The following MED20 variants were observed in gnomAD, a reference collection of about 807,000 sequenced individuals.
The protein encoded by MED20 is mediator of RNA polymerase II transcription subunit 20.
In MED20, 19 loss-of-function variants were observed where a neutral mutation model predicts 19.7. The observed-to-expected ratio is 0.96, with a 90% confidence interval of 0.67 to 1.42. MED20 has a LOEUF of 1.42. Among genes scored for constraint, MED20 ranks in the 40% most tolerant of loss-of-function variants. The pLI is 0.00. For synonymous variants in MED20, 105 were observed against 104.8 expected (o/e 1.00, Z -0.01); for missense variants, 225 against 273.0 (o/e 0.82, Z 1.24).
chr6:41,908,424 C>T (rs1208576497), intron 3 of MED20, among the ~76,000 whole-genome samples: 1 of 152,198 alleles, frequency 6.6e-6, no homozygotes, highest in African/African-American at 2.4e-5. Flanking sequence ...TATGTATACA[C>T]AGACACACAC....
rs1366104311 is a variant in MED20, at chr6:41,906,490, A to C, written c.*582T>G. 1 of 152,720 alleles carries C rather than the reference A, an allele frequency of 6.5e-6. No individual in the cohort carries two copies. Among genetic ancestry groups the C allele is most frequent in the Non-Finnish European group, 1.5e-5 (1 of 68,392 alleles). 9.5% of individuals were successfully genotyped at this position (152,720 alleles called of 1,614,324 possible). ...TTTCACAACAGAAGGGAAAGATGTC[A>C]GAAGGAGATTTCAAAGGACTCAGGC... On this transcript the variant is annotated 3_prime_UTR_variant, in exon 4 of 4. Coordinates refer to ENST00000265350, the MANE Select transcript of MED20 (RefSeq NM_004275.5).
In MED20 at chr6:41,917,045, T is replaced by C. The variant is rs138031169; in HGVS notation, c.15-106A>G. 1.9e-4 allele frequency: 231 copies of C among 1,209,678 alleles called. No homozygotes were observed. The African/African-American group carries it at 3.1e-3, about 16-fold the overall frequency. The allele number at this position is 1,209,678 out of a possible 1,614,324, so 74.9% of individuals were successfully genotyped here. A position where few individuals can be genotyped will look rare whatever the true frequency, so the allele number is the denominator to read the frequency against. ...CAGCTCATCAGGGCCAAAAGTTATC[T>C]TGGAAATTACCTACTCTGACCGTCT... On this transcript the variant is annotated intron_variant, in intron 1 of 3. Coordinates refer to ENST00000265350, the MANE Select transcript of MED20 (RefSeq NM_004275.5).
rs142211551 is a variant in MED20 at position 41,921,087 on chromosome 6, C to T, written c.-69G>A. On this transcript the variant is annotated 5_prime_UTR_variant, in exon 1 of 4. Transcript: ENST00000265350. ...AGGGTTCCCTGTCCGCCCACAGAAA[C>T]TCCTTCAGTTCCCCAACACAACCTT... 5.3e-4 allele frequency: 842 copies of T among 1,594,648 alleles called. 6 individuals are homozygous for T. In the East Asian group the frequency reaches 0.017, roughly 33 times the overall value.
intron 1 of MED20, among the ~76,000 whole-genome samples, chr6:41,918,105 GCCAA>G (rs1218031206): frequency 6.6e-6 from 1 of 152,142 alleles, no homozygotes; most frequent in East Asian, 1.9e-4. Context: ...GTAACCAACT[GCCAA>G]CCAACAACGT....
intron 2 of MED20, among the ~76,000 whole-genome samples, chr6:41,910,708 T>C (rs1341329027): frequency 6.6e-6 from 1 of 151,692 alleles, no homozygotes; most frequent in Non-Finnish European, 1.5e-5. Context: ...AATTAATGGA[T>C]AGACTGCCAC....
chr6:41,906,919 A>T lies in MED20; in HGVS notation c.*153T>A. 1 of 661,480 alleles carries T rather than the reference A, an allele frequency of 1.5e-6. No homozygotes were observed. 41.0% of individuals were successfully genotyped at this position (661,480 alleles called of 1,614,324 possible). On this transcript the variant is annotated 3_prime_UTR_variant, in exon 4 of 4. Transcript: ENST00000265350. ...AGTCAGGGGGTTGGGGAGGGGACTC[A>T]GCCCCAGAACAAAAGCCACAGCTGA... is the stretch of plus-strand genomic sequence containing the variant.
chr6:41,911,106 CA>C (rs377146036), intron 2 of MED20, among the ~76,000 whole-genome samples: 27,199 of 111,610 alleles, frequency 0.24, 2,781 homozygotes, highest in East Asian at 0.35. Flanking sequence ...GACTCCATCT[CA>C]AAAAAAAAAA....
At chr6:41,913,983 T>C (rs1183268512) in intron 2 of MED20, among the ~76,000 whole-genome samples, 1 of 152,228 alleles carries the variant, frequency 6.6e-6, no homozygotes, top group African/African-American at 2.4e-5. Flanking sequence ...AGAAGTACTA[T>C]GATTATCTTC....
chr6:41,908,727 C>T (rs1468454415), intron 3 of MED20, among the ~76,000 whole-genome samples: 2 of 152,194 alleles, frequency 1.3e-5, no homozygotes, highest in Admixed American at 1.3e-4. Context: ...GCCACCCTTC[C>T]TAATGAAGCT....
chr6:41,909,515 G>C lies in MED20; in HGVS notation c.177C>G (p.Thr59=), dbSNP rs138851784. ...TGTGCATCACATACATCAGCTTCCC[G>C]GTCTGACCTGCAAGGGACAGAGATC... ...AASTLGSQGQ[T]GKLMYVMHNS... is the part of the protein sequence containing the mutation. The change falls in exon 3 of 4, where the codon ACC becomes ACG. Residue 59 remains threonine (T), a synonymous_variant. Coordinates refer to ENST00000265350, the MANE Select transcript of MED20 (RefSeq NM_004275.5). 1 of 1,614,028 alleles carries C rather than the reference G, an allele frequency of 6.2e-7. No homozygotes were observed. Among genetic ancestry groups the C allele is most frequent in the Non-Finnish European group, 8.5e-7 (1 of 1,179,926 alleles).
chr6:41,910,420 T>G (rs930674400), intron 2 of MED20, among the ~76,000 whole-genome samples: 4 of 151,526 alleles, frequency 2.6e-5, no homozygotes, highest in African/African-American at 9.7e-5. Flanking sequence ...TCACTTGAGG[T>G]CAGGAGTTCC....
At chr6:41,909,181 A>AG in intron 3 of MED20, 88 bp downstream of exon 3, 1 of 1,514,598 alleles carries the variant, frequency 6.6e-7, no homozygotes, top group Non-Finnish European at 8.8e-7. Flanking sequence ...CTCAAAAAAA[A>AG]AAAAAGAGAA....
chr6:41,906,193 T>A lies in MED20; in HGVS notation c.*879A>T, dbSNP rs1775041257. 6.6e-6 allele frequency: 1 copy of A among 152,256 alleles called. No homozygotes were observed. The highest frequency in any genetic ancestry group is 2.4e-5 in the African/African-American group (1 of 41,454). 9.4% of individuals were successfully genotyped at this position (152,256 alleles called of 1,614,324 possible). ...TTTCAGCAAAGTGTGGCCACAGTGA[T>A]CTGAGCAATGCTCAGTCATATCTTT... is the stretch of plus-strand genomic sequence containing the variant. On this transcript the variant is annotated 3_prime_UTR_variant, in exon 4 of 4. Coordinates refer to ENST00000265350, the MANE Select transcript of MED20 (RefSeq NM_004275.5).
At chr6:41,909,077 G>T in intron 3 of MED20, 192 bp downstream of exon 3, 1 of 702,774 alleles carries the variant, frequency 1.4e-6, no homozygotes, top group South Asian at 2.0e-5. Flanking sequence ...GGGAGACTGA[G>T]GCGGAAGGAT....
chr6:41,920,069 C>T (rs373041169), intron 1 of MED20, among the ~76,000 whole-genome samples: 264 of 152,318 alleles, frequency 1.7e-3, no homozygotes, highest in African/African-American at 6.1e-3. Flanking sequence ...GTTCTGGGAC[C>T]TGGCACCTTA....
rs929451834 is a variant in MED20 at position 41,911,443 on chromosome 6, G to A, written c.170-1921C>T. 3.9e-4 allele frequency among the ~76,000 whole-genome samples: 59 copies of A among 152,012 alleles called. 1 individual carries two copies. Among genetic ancestry groups the A allele is most frequent in the African/African-American group, 1.3e-3 (54 of 41,404 alleles). ...TGGGATTCCAGGCATGAGCCGCCAC[G>A]CCCAGCTGAGATAGGCTAAAAACTT... On this transcript the variant is annotated intron_variant, in intron 2 of 3. Coordinates refer to ENST00000265350, the MANE Select transcript of MED20 (RefSeq NM_004275.5).
At position 41,916,987 on chromosome 6, in the gene MED20, GCTCA is replaced by G. The variant is rs570358617; in HGVS notation, c.15-52_15-49del. The G allele has an allele frequency of 3.9e-4, 626 of 1,604,872 alleles. 2 individuals carry two copies. In the African/African-American group the frequency reaches 7.4e-3, roughly 19 times the overall value. ...GTCAGTTATCCAGAGACACACGTGT[GCTCA>G]CTGAGCCATTCACTCGCCCACAGCA... On this transcript the variant is annotated intron_variant, in intron 1 of 3. Coordinates refer to ENST00000265350, the MANE Select transcript of MED20 (RefSeq NM_004275.5).
chr6:41,917,837 C>A, intron 1 of MED20: 1 of 467,564 alleles, frequency 2.1e-6, no homozygotes, highest in Non-Finnish European at 4.5e-6. Context: ...AGCCCAGAGC[C>A]ACAGGTGGCT....
Position 41,906,874 on chromosome 6 carries a change from G to A in MED20, c.*198C>T, listed in dbSNP as rs1193567173. ...CAGTAAGGCACGGAGTAAAACAGCT[G>A]ATGGGGGGCTATGTGTGAGAGTCAG... On this transcript the variant is annotated 3_prime_UTR_variant, in exon 4 of 4. Transcript: ENST00000265350. 4 of 585,288 alleles carry A rather than the reference G, an allele frequency of 6.8e-6. No individual in the cohort carries two copies. Among genetic ancestry groups the A allele is most frequent in the Admixed American group, 3.0e-5 (1 of 33,550 alleles). The allele number at this position is 585,288 out of a possible 1,614,324, so 36.3% of individuals were successfully genotyped here.
Sources: allele counts gnomAD v4.1 joint callset (sites outside exome capture counted in the v4.1 genomes callset), GRCh38; gene constraint gnomAD v4.1.1; transcripts MANE v1.5; gene names NCBI Gene and HGNC (gene_info 2026-07-23, HGNC 2026-07-21).